The following CAMTA1 variants were observed in gnomAD, a reference collection of about 807,000 sequenced individuals.
CAMTA1 encodes calmodulin binding transcription activator 1.
Under a neutral mutation model 170.9 loss-of-function variants are expected in CAMTA1, and 27 were observed. The observed-to-expected ratio is 0.16, with a 90% confidence interval of 0.12 to 0.22. The LOEUF is 0.22. Among genes scored for constraint, CAMTA1 ranks in the 10% least tolerant of loss-of-function variants. The pLI, the probability that CAMTA1 is intolerant of heterozygous loss-of-function variation, is 1.00. For synonymous variants in CAMTA1, 833 were observed against 891.5 expected, an observed-to-expected ratio of 0.93 and a Z score of 1.17; for missense variants, 1,619 against 2,217.2, an observed-to-expected ratio of 0.73 and a Z score of 5.42.
rs912794907 is a variant in CAMTA1 at position 7,532,719 on chromosome 1, G to A, written c.510+64818G>A. ...CATCAGCCTGGTAGTGACTGTTTAC[G>A]ATGGGTGCCCAATCGCTGATAGAAG... On this transcript the variant is annotated intron_variant, in intron 6 of 22. Transcript: ENST00000303635. This position sits in a 1 kb window ranked among gnomAD's most constrained non-coding sequence, Gnocchi z 4.2. Among the ~76,000 whole-genome samples, 5 of 152,346 alleles carry A rather than the reference G, an allele frequency of 3.3e-5. No individual in the cohort carries two copies. The highest frequency in any genetic ancestry group is 7.2e-5 in the African/African-American group (3 of 41,582).
chr1:6,842,305 G>A (rs982096282), intron 3 of CAMTA1, among the ~76,000 whole-genome samples: 1 of 152,218 alleles, frequency 6.6e-6, no homozygotes, highest in East Asian at 1.9e-4. Flanking sequence ...CATAGTGAGT[G>A]TAAAAACGCC....
At chr1:6,880,762 G>C (rs1245346375) in intron 3 of CAMTA1, among the ~76,000 whole-genome samples, 1 of 151,942 alleles carries the variant, frequency 6.6e-6, no homozygotes, top group South Asian at 2.1e-4. Context: ...GGAGTGTTCT[G>C]CCCACCCCAG....
intron 6 of CAMTA1, among the ~76,000 whole-genome samples, chr1:7,509,894 C>T (rs1255208332): frequency 1.3e-5 from 2 of 151,826 alleles, no homozygotes; most frequent in Non-Finnish European, 2.9e-5. Context: ...TCCATGAGTT[C>T]ACAAGGCCAT....
Position 6,785,583 on chromosome 1 carries a change from C to T in CAMTA1, c.45+8C>T, listed in dbSNP as rs1199197139. 16 of 1,050,944 alleles carry T rather than the reference C, an allele frequency of 1.5e-5. No individual in the cohort carries two copies. Among genetic ancestry groups the T allele is most frequent in the Non-Finnish European group, 5.8e-6 (5 of 857,204 alleles). 65.1% of individuals were successfully genotyped at this position (1,050,944 alleles called of 1,614,324 possible). On this transcript the variant is annotated splice_region_variant and intron_variant, in intron 1 of 22. Coordinates refer to ENST00000303635, the MANE Select transcript of CAMTA1 (RefSeq NM_015215.4). ...CCGAAAACAAGCCGGAAGGTAAGAG[C>T]CGGAGCGCGAGGGGCTGGGGGGCGG...
intron 3 of CAMTA1, among the ~76,000 whole-genome samples, chr1:6,863,990 C>T (rs956439434): frequency 6.6e-6 from 1 of 152,128 alleles, no homozygotes; most frequent in African/African-American, 2.4e-5. Context: ...TTGGATTTGT[C>T]TACTGTTTTT....
rs190529335 is a variant in CAMTA1 at position 7,464,797 on chromosome 1, A to G, written c.439-3033A>G. ...GGGTTCCATTGCTGCATAAGCTCTC[A>G]GCCCACACAGCCACCCGAGAGAAAG... On this transcript the variant is annotated intron_variant, in intron 5 of 22. Coordinates refer to ENST00000303635, the MANE Select transcript of CAMTA1 (RefSeq NM_015215.4). 3.0e-4 allele frequency among the ~76,000 whole-genome samples: 45 copies of G among 152,100 alleles called. 1 individual carries two copies. The East Asian group carries it at 8.3e-3, about 28-fold the overall frequency.
intron 4 of CAMTA1, among the ~76,000 whole-genome samples, chr1:7,201,066 C>A (rs563434364): frequency 6.6e-6 from 1 of 152,314 alleles, no homozygotes; most frequent in East Asian, 1.9e-4. Flanking sequence ...ACACTCCCCA[C>A]CGCCAGCCCT....
In CAMTA1 at chr1:7,588,237, A is replaced by G. The variant is rs143675182; in HGVS notation, c.511-52163A>G. ...CCCCAGGACAAGCTCCTGTGGCCAGACAACCCCCGCCCCAGTTCTCACTGC... is the reference window on the plus strand; with the variant it reads ...CCCCAGGACAAGCTCCTGTGGCCAGGCAACCCCCGCCCCAGTTCTCACTGC... On this transcript the variant is annotated intron_variant, in intron 6 of 22. Coordinates refer to ENST00000303635, the MANE Select transcript of CAMTA1 (RefSeq NM_015215.4). The surrounding 1 kb of genome is among the most constrained non-coding windows in gnomAD (Gnocchi z 5.8). 5.2e-3 allele frequency among the ~76,000 whole-genome samples: 799 copies of G among 152,200 alleles called. 18 individuals are homozygous for G. The highest frequency in any genetic ancestry group is 0.018 in the African/African-American group (739 of 41,458).
At chr1:7,507,069 TCA>T (rs780150435) in intron 6 of CAMTA1, among the ~76,000 whole-genome samples, 3 of 151,888 alleles carry the variant, frequency 2.0e-5, no homozygotes, top group Non-Finnish European at 4.4e-5. Context: ...ACACTTGCTC[TCA>T]TATTGACACT....
intron 6 of CAMTA1, among the ~76,000 whole-genome samples, chr1:7,598,506 G>T (rs948860372): frequency 6.6e-6 from 1 of 152,154 alleles, no homozygotes; most frequent in South Asian, 2.1e-4. Context: ...CTGAGGAATC[G>T]CCACACTGAC....
rs1663479743 is a variant in CAMTA1, at chr1:7,234,691, A to G, written c.303-14800A>G. ...GAGTCTTGGTCATTACCATCTCTCC[A>G]AATGGGCAGCCTCTTCTTTTCAGGG... On this transcript the variant is annotated intron_variant, in intron 4 of 22. Transcript: ENST00000303635. The surrounding 1 kb of genome is among the most constrained non-coding windows in gnomAD (Gnocchi z 5.0). Among the ~76,000 whole-genome samples, 2 of 152,188 alleles carry G rather than the reference A, an allele frequency of 1.3e-5. No individual in the cohort carries two copies. Among genetic ancestry groups the G allele is most frequent in the South Asian group, 4.1e-4 (2 of 4,832 alleles).
At chr1:6,844,943 T>G (rs1657451243) in intron 3 of CAMTA1, among the ~76,000 whole-genome samples, 1 of 152,196 alleles carries the variant, frequency 6.6e-6, no homozygotes, top group Admixed American at 6.5e-5. Context: ...CACTGTATTA[T>G]GTAATAAGGG....
chr1:7,516,530 G>T (rs1191534215), intron 6 of CAMTA1, among the ~76,000 whole-genome samples: 1 of 152,204 alleles, frequency 6.6e-6, no homozygotes, highest in Non-Finnish European at 1.5e-5. Context: ...AGTGGGAACA[G>T]CTAAGAAAGA....
At chr1:6,881,639 T>G (rs1050456148) in intron 3 of CAMTA1, among the ~76,000 whole-genome samples, 1 of 152,114 alleles carries the variant, frequency 6.6e-6, no homozygotes, top group Admixed American at 6.6e-5. Flanking sequence ...GAAAGCCACC[T>G]GAGGATTTTT....
chr1:6,789,690 G>A (rs1640466978), intron 1 of CAMTA1, among the ~76,000 whole-genome samples: 1 of 152,048 alleles, frequency 6.6e-6, no homozygotes, highest in South Asian at 2.1e-4. Context: ...CATTCATTCA[G>A]GAGACCTTTA....
At chr1:7,297,050 A>C (rs1574500764) in intron 5 of CAMTA1, among the ~76,000 whole-genome samples, 1 of 152,342 alleles carries the variant, frequency 6.6e-6, no homozygotes, top group East Asian at 1.9e-4. Context: ...CAAATGGAAA[A>C]AGAAAGCTAC....
At chr1:7,068,163 C>G (rs1709204024) in intron 3 of CAMTA1, among the ~76,000 whole-genome samples, 1 of 152,162 alleles carries the variant, frequency 6.6e-6, no homozygotes, top group Non-Finnish European at 1.5e-5. Context: ...CCCAAAATAT[C>G]CTACTTGAAA....
chr1:7,525,448 G>A (rs186216755), intron 6 of CAMTA1, among the ~76,000 whole-genome samples: 19 of 151,650 alleles, frequency 1.3e-4, no homozygotes, highest in Non-Finnish European at 2.2e-4. Flanking sequence ...TCTTGTGTGT[G>A]TTTTTTTTAA....
At chr1:6,902,079 A>AAAGAAAAAAT (rs1553180496) in intron 3 of CAMTA1, among the ~76,000 whole-genome samples, 821 of 75,172 alleles carry the variant, frequency 0.011, 9 homozygotes, top group African/African-American at 0.029. Flanking sequence ...ACACAAAAAA[A>AAAGAAAAAAT]AAAATAAAAA....
Sources: gnomAD v4.1 joint callset for allele counts (sites outside exome capture counted in the v4.1 genomes callset) on GRCh38, gnomAD v4.1.1 for gene constraint, Gnocchi (gnomAD v3.1) non-coding constraint, MANE v1.5 for transcripts, NCBI Gene and HGNC (gene_info 2026-07-23, HGNC 2026-07-21) for gene names.